The following RAI2 variants were observed in gnomAD, a reference collection of about 807,000 sequenced individuals.
RAI2 encodes the protein retinoic acid induced 2.
RAI2 carries 5 observed loss-of-function variants against 15.3 expected under a neutral mutation model. The ratio of observed to expected loss-of-function variants is 0.33; its 90% confidence interval spans 0.17 to 0.69. RAI2 has a LOEUF of 0.69. RAI2 is among the 30% of genes least tolerant of loss of function. The probability of loss-of-function intolerance (pLI) is 0.69; values close to 1 mark genes in which losing one functional copy is unlikely to be tolerated. For synonymous variants in RAI2, 191 were observed against 184.0 expected (o/e 1.04, Z -0.31); for missense variants, 424 against 424.7 (o/e 1.00, Z 0.01).
chrX:17,823,839 CA>C (rs1247884667), intron 1 of RAI2, among the ~76,000 whole-genome samples: 4 of 111,538 alleles, frequency 3.6e-5, no homozygotes, highest in Non-Finnish European at 7.5e-5. Flanking sequence ...GATGTGCAGC[CA>C]GGGGTGAGCA....
intron 1 of RAI2, among the ~76,000 whole-genome samples, chrX:17,849,537 T>C (rs1019616173): frequency 2.7e-5 from 3 of 112,677 alleles, no homozygotes; most frequent in East Asian, 2.8e-4. Flanking sequence ...AAATAATATA[T>C]GTAAATCACT....
chrX:17,859,167 C>T (rs1015790703), intron 1 of RAI2, among the ~76,000 whole-genome samples: 3 of 111,426 alleles, frequency 2.7e-5, no homozygotes, highest in Non-Finnish European at 5.7e-5. Flanking sequence ...AGCCTCCATA[C>T]TGTCCCCTTC....
rs5955910 is a variant in RAI2 at position 17,852,104 on chromosome X, C to G, written c.-25+8994G>C. ...CAGTGTTGCAACCATCACCTGAATC[C>G]TGGCCTGCAACGGACTGGCAACTTA... On this transcript the variant is annotated intron_variant, in intron 1 of 1. Transcript: ENST00000451717. Among the ~76,000 whole-genome samples the G allele has an allele frequency of 8.1e-3, 901 of 111,791 alleles. 9 individuals are homozygous for G. The highest frequency in any genetic ancestry group is 0.027 in the African/African-American group (820 of 30,679).
intron 1 of RAI2, among the ~76,000 whole-genome samples, chrX:17,827,539 T>C (rs890991034): frequency 1.8e-5 from 2 of 112,146 alleles, no homozygotes; most frequent in Non-Finnish European, 3.8e-5. Flanking sequence ...GCTGTTATTA[T>C]TACTACTTTA....
At chrX:17,821,934 A>T (rs916878092) in intron 1 of RAI2, among the ~76,000 whole-genome samples, 9 of 110,964 alleles carry the variant, frequency 8.1e-5, no homozygotes, top group Admixed American at 4.8e-4. Context: ...CAAGCAGAAG[A>T]TCTTTACCAT....
chrX:17,854,440 G>T (rs2067573904), intron 1 of RAI2, among the ~76,000 whole-genome samples: 1 of 112,034 alleles, frequency 8.9e-6, no homozygotes, highest in Non-Finnish European at 1.9e-5. Context: ...GTTCTGCAGT[G>T]CCCCCACTTT....
intron 1 of RAI2, among the ~76,000 whole-genome samples, chrX:17,850,370 G>A (rs1246345737): frequency 8.9e-6 from 1 of 112,387 alleles, no homozygotes; most frequent in Non-Finnish European, 1.9e-5. Context: ...AGGAGAGGGT[G>A]AAGGGGGTCA....
chrX:17,829,628 T>C (rs1430854259), intron 1 of RAI2, among the ~76,000 whole-genome samples: 3 of 112,726 alleles, frequency 2.7e-5, no homozygotes, highest in Admixed American at 9.3e-5. Context: ...TCGCAAGCAT[T>C]GTTTGAGGCT....
At chrX:17,849,404 T>C (rs1288397857) in intron 1 of RAI2, among the ~76,000 whole-genome samples, 2 of 112,434 alleles carry the variant, frequency 1.8e-5, no homozygotes, top group Non-Finnish European at 3.8e-5. Context: ...CAGTTCCACC[T>C]CCTGTAAGTG....
intron 1 of RAI2, among the ~76,000 whole-genome samples, chrX:17,854,094 A>G (rs1452348876): frequency 1.8e-5 from 2 of 112,210 alleles, no homozygotes; most frequent in Non-Finnish European, 3.8e-5. Flanking sequence ...TTAAAAAGAC[A>G]TATTTTTCCA....
intron 1 of RAI2, among the ~76,000 whole-genome samples, chrX:17,860,883 G>A (rs949144147): frequency 1.1e-4 from 12 of 105,075 alleles, no homozygotes; most frequent in Non-Finnish European, 2.4e-4. Flanking sequence ...CGCGCCACAC[G>A]GGCGGCGGCC....
intron 1 of RAI2, among the ~76,000 whole-genome samples, chrX:17,821,268 G>A (rs1487542766): frequency 9.0e-6 from 1 of 111,538 alleles, no homozygotes; most frequent in African/African-American, 3.3e-5. Context: ...CAACATGTAG[G>A]TCTGTCGCTG....
intron 1 of RAI2, among the ~76,000 whole-genome samples, chrX:17,858,763 C>T (rs1459709600): frequency 8.9e-6 from 1 of 112,635 alleles, no homozygotes; most frequent in African/African-American, 3.2e-5. Flanking sequence ...CGATCGGCAT[C>T]GCTTGGAAAA....
chrX:17,847,572 T>C (rs1394713869), intron 1 of RAI2, among the ~76,000 whole-genome samples: 3 of 112,562 alleles, frequency 2.7e-5, no homozygotes, highest in East Asian at 2.8e-4. Context: ...GACCGTGTAG[T>C]TGAAGTGAAA....
intron 1 of RAI2, among the ~76,000 whole-genome samples, chrX:17,820,925 G>C (rs1380444212): frequency 9.1e-6 from 1 of 110,484 alleles, no homozygotes; most frequent in Non-Finnish European, 1.9e-5. Context: ...TTAGAGACAG[G>C]GTCTGACTCT....
chrX:17,803,398 C>T (rs913425188), intron 1 of RAI2, among the ~76,000 whole-genome samples: 2 of 110,163 alleles, frequency 1.8e-5, no homozygotes, highest in East Asian at 2.9e-4. Context: ...TGATGTCGCA[C>T]GCCTGTAGTC....
chrX:17,834,931 A>C (rs2067318205), intron 1 of RAI2, among the ~76,000 whole-genome samples: 1 of 111,349 alleles, frequency 9.0e-6, no homozygotes, highest in African/African-American at 3.3e-5. Flanking sequence ...GCAGAGAGCC[A>C]CAAGAAGAGG....
intron 1 of RAI2, among the ~76,000 whole-genome samples, chrX:17,811,469 A>T (rs929074518): frequency 8.0e-5 from 9 of 112,742 alleles, no homozygotes; most frequent in Non-Finnish European, 1.5e-4. Flanking sequence ...GGCAACAAAG[A>T]AACCTCTTAA....
Position 17,801,287 on chromosome X carries a change from C to T in RAI2, c.724G>A (p.Val242Met). Residue 242 changes from valine (V) to methionine (M), a missense_variant, in exon 2 of 2, where the codon GTG becomes ATG. Val to Met is a conservative substitution (Grantham distance 21, BLOSUM62 1). Transcript: ENST00000451717. ...ATGGGGATGGGAATAGGGACTGGCA[C>T]AGGCAAGGGGACGATTACAGGATAC... ...VPYPVIVPLP[V>M]PVPIPIPIPM... 1 of 1,190,819 alleles carries T rather than the reference C, an allele frequency of 8.4e-7. No homozygotes were observed. The highest frequency in any genetic ancestry group is 1.1e-6 in the Non-Finnish European group (1 of 884,814).
Sources: gnomAD v4.1 joint callset for allele counts (sites outside exome capture counted in the v4.1 genomes callset) on GRCh38, gnomAD v4.1.1 for gene constraint, MANE v1.5 for transcripts, NCBI Gene and HGNC (gene_info 2026-07-23, HGNC 2026-07-21) for gene names.